Variants in TM4SF20 observed in about 807,000 individuals in gnomAD.
TM4SF20 encodes the protein transmembrane 4 L6 family member 20.
Under a neutral mutation model 15.1 loss-of-function variants are expected in TM4SF20, and 13 were observed. That is an observed-to-expected ratio of 0.86 (90% CI 0.56 to 1.36). The LOEUF is 1.36. Among genes scored for constraint, TM4SF20 ranks in the 40% most tolerant of loss-of-function variants. The pLI is 0.00. For missense variants in TM4SF20, 282 were observed against 268.4 expected (o/e 1.05, Z -0.35); for synonymous variants, 92 against 96.6 (o/e 0.95, Z 0.28).
intron 2 of TM4SF20, among the ~76,000 whole-genome samples, chr2:227,370,205 C>T (rs2076413721): frequency 6.6e-6 from 1 of 152,196 alleles, no homozygotes; most frequent in African/African-American, 2.4e-5. Flanking sequence ...TCCTAGCAAA[C>T]CAGTCTGTCA....
Position 227,370,931 on chromosome 2 carries a change from C to G in TM4SF20, c.233G>C (p.Cys78Ser). 1 of 1,613,968 alleles carries G rather than the reference C, an allele frequency of 6.2e-7. No individual in the cohort carries two copies. Among genetic ancestry groups the G allele is most frequent in the Non-Finnish European group, 8.5e-7 (1 of 1,179,920 alleles). Residue 78 changes from cysteine (C) to serine (S), a missense_variant, in exon 2 of 4, where the codon TGC (cysteine) becomes TCC (serine). Cys to Ser is a moderately radical substitution (Grantham distance 112). Coordinates refer to ENST00000304568, the MANE Select transcript of TM4SF20 (RefSeq NM_024795.4). ...MSLTARKRACCNNRTGMFLSS... is the reference protein window; with the variant it reads ...MSLTARKRACSNNRTGMFLSS... ...CATACTTACTCCAGTTCTGTTGTTGCAGCACGCTCTTTTTCTTGCTGTCAA... is the reference window on the plus strand; with the variant it reads ...CATACTTACTCCAGTTCTGTTGTTGGAGCACGCTCTTTTTCTTGCTGTCAA...
At chr2:227,379,722 T>C (rs541620981), upstream of TM4SF20, among the ~76,000 whole-genome samples, 4 of 152,326 alleles carry the variant, frequency 2.6e-5, no homozygotes, top group East Asian at 1.9e-4. Context: ...CTGCAAATAT[T>C]AGAGTTTATT....
rs748891185 is a variant in TM4SF20 at position 227,368,017 on chromosome 2, C to CTT, written c.250-1774_250-1773insAA. ...TGCCATGGTGTTTATTTTTAACCAT[C>CTT]TATTTTTTTTTTTTTTTTTTTTTGG... On this transcript the variant is annotated intron_variant, in intron 2 of 3. Transcript: ENST00000304568. Among the ~76,000 whole-genome samples, 106 of 116,662 alleles carry CTT rather than the reference C, an allele frequency of 9.1e-4. 4 individuals carry two copies. The highest frequency in any genetic ancestry group is 1.2e-3 in the Non-Finnish European group (67 of 56,164). The allele number at this position is 116,662 out of a possible 152,430, so 76.5% of individuals were successfully genotyped here.
chr2:227,375,690 C>G (rs781649814), intron 1 of TM4SF20, among the ~76,000 whole-genome samples: 1 of 152,080 alleles, frequency 6.6e-6, no homozygotes, highest in African/African-American at 2.4e-5. Context: ...GGCGTTTCAC[C>G]GTGTTAGCCA....
chr2:227,364,080 A>G (rs2076377907), intron 3 of TM4SF20, 68 bp from the exon 4 acceptor site: 1 of 1,439,172 alleles, frequency 6.9e-7, no homozygotes, highest in Non-Finnish European at 9.3e-7. Context: ...AGCATTGTGC[A>G]CATAAAAGAA....
chr2:227,377,819 G>A (rs11885199), intron 1 of TM4SF20, among the ~76,000 whole-genome samples: 7,926 of 152,132 alleles, frequency 0.052, 249 homozygotes, highest in East Asian at 0.12. Context: ...GGTGCCTGTT[G>A]GAGGGTGGAG....
rs78730958 is a variant in TM4SF20 at position 227,372,526 on chromosome 2, C to T, written c.184-1546G>A. On this transcript the variant is annotated intron_variant, in intron 1 of 3. Transcript: ENST00000304568. ...GGGCGAGGTGGTGCACACCTGTAGC[C>T]CCAGCTACTCAGGAAGCTGAGGCAG... is the stretch of plus-strand genomic sequence containing the variant. Among the ~76,000 whole-genome samples, 7 of 152,086 alleles carry T rather than the reference C, an allele frequency of 4.6e-5. No homozygotes were observed. In the East Asian group the frequency reaches 1.4e-3, roughly 29 times the overall value.
rs556582680 is a variant in TM4SF20 at position 227,378,025 on chromosome 2, C to T, written c.183+1061G>A. ...AAAAGTCACCTCCGTGTTTTATTAT[C>T]TCTAAAACACTGATAATATCAGTCC... On this transcript the variant is annotated intron_variant, in intron 1 of 3. Coordinates refer to ENST00000304568, the MANE Select transcript of TM4SF20 (RefSeq NM_024795.4). Among the ~76,000 whole-genome samples, 196 of 152,020 alleles carry T rather than the reference C, an allele frequency of 1.3e-3. 1 individual carries two copies. The highest frequency in any genetic ancestry group is 4.5e-3 in the African/African-American group (186 of 41,446).
intron 3 of TM4SF20, 124 bp downstream of exon 3, chr2:227,365,968 TA>T: frequency 2.1e-6 from 2 of 968,596 alleles, no homozygotes; most frequent in Non-Finnish European, 3.0e-6. Flanking sequence ...CTAAAATTCC[TA>T]AGAATCCGTT....
chr2:227,378,558 G>A (rs1416547045), intron 1 of TM4SF20, among the ~76,000 whole-genome samples: 1 of 152,168 alleles, frequency 6.6e-6, no homozygotes, highest in Non-Finnish European at 1.5e-5. Flanking sequence ...CTTGAGGCCA[G>A]AGACCCAGGA....
Position 227,368,018 on chromosome 2 carries a change from TA to T in TM4SF20, c.250-1775del, listed in dbSNP as rs376025746. ...GCCATGGTGTTTATTTTTAACCATC[TA>T]TTTTTTTTTTTTTTTTTTTTTGGAG... On this transcript the variant is annotated intron_variant, in intron 2 of 3. Transcript: ENST00000304568. Among the ~76,000 whole-genome samples, 76 of 125,116 alleles carry T rather than the reference TA, an allele frequency of 6.1e-4. 5 individuals are homozygous for T. The highest frequency in any genetic ancestry group is 7.9e-3 in the Middle Eastern group (2 of 252). The allele number at this position is 125,116 out of a possible 152,430, so 82.1% of individuals were successfully genotyped here.
chr2:227,372,507 G>T (rs2076425974), intron 1 of TM4SF20, among the ~76,000 whole-genome samples: 1 of 152,090 alleles, frequency 6.6e-6, no homozygotes. Flanking sequence ...AGCTGGGCGA[G>T]GTGGTGCACA....
At chr2:227,374,395 A>C (rs1162034836) in intron 1 of TM4SF20, among the ~76,000 whole-genome samples, 1 of 151,790 alleles carries the variant, frequency 6.6e-6, no homozygotes, top group African/African-American at 2.4e-5. Flanking sequence ...AGCTCCGGAA[A>C]TTGGAGGGGC....
At chr2:227,368,890 A>T (rs1336429656) in intron 2 of TM4SF20, among the ~76,000 whole-genome samples, 1 of 152,228 alleles carries the variant, frequency 6.6e-6, no homozygotes, top group Non-Finnish European at 1.5e-5. Context: ...TGCCTTTGCC[A>T]CTTGTCTCAT....
rs112261207 is a variant in TM4SF20 at position 227,366,340 on chromosome 2, G to A, written c.250-96C>T. The A allele has an allele frequency of 1.0e-4, 109 of 1,093,520 alleles. No individual in the cohort carries two copies. In the African/African-American group the frequency reaches 1.0e-3, roughly 10 times the overall value. 67.7% of individuals were successfully genotyped at this position (1,093,520 alleles called of 1,614,324 possible). ...TATACAGTCTTTTTTAAATCCAGTC[G>A]CCCTAAAATCCTGGATCTTAAGATC... On this transcript the variant is annotated intron_variant, in intron 2 of 3. Transcript: ENST00000304568.
At position 227,363,853 on chromosome 2, in the gene TM4SF20, G is replaced by T; in HGVS notation, c.561C>A (p.Ile187=). The T allele has an allele frequency of 6.2e-7, 1 of 1,614,102 alleles. No homozygotes were observed. Among genetic ancestry groups the T allele is most frequent in the Non-Finnish European group, 8.5e-7 (1 of 1,180,014 alleles). ...ATAGACCTAAAAATACTGAGAAGTG[G>T]ATAAGCCTATGTTTGTTTTCTTCAG... ...FDSEENKHRL[I]HFSVFLGLLL... The change falls in exon 4 of 4, where the codon ATC becomes ATA. Residue 187 remains isoleucine (I), a synonymous_variant. Coordinates refer to ENST00000304568, the MANE Select transcript of TM4SF20 (RefSeq NM_024795.4).
In TM4SF20 at chr2:227,363,023, T is replaced by C. The variant is rs979597705; in HGVS notation, c.*701A>G. On this transcript the variant is annotated 3_prime_UTR_variant, in exon 4 of 4. Transcript: ENST00000304568. ...GCCATTCTGTGCCCGCTGACCCACT[T>C]TTTGGATTTGTCCTAGTGTTCCCTG... 6.6e-6 allele frequency: 1 copy of C among 152,192 alleles called. No homozygotes were observed. The highest frequency in any genetic ancestry group is 2.4e-5 in the African/African-American group (1 of 41,452). The allele number at this position is 152,192 out of a possible 1,614,324, so 9.4% of individuals were successfully genotyped here.
chr2:227,363,465 T>G lies in TM4SF20; in HGVS notation c.*259A>C. ...ACTTTTATTTTCAGGATGACTTCCG[T>G]TCCTTCTCATCCTCCTTCCCTTCTC... On this transcript the variant is annotated 3_prime_UTR_variant, in exon 4 of 4. Transcript: ENST00000304568. The G allele has an allele frequency of 6.3e-6, 2 of 316,634 alleles. No homozygotes were observed. Among genetic ancestry groups the G allele is most frequent in the Non-Finnish European group, 5.8e-6 (1 of 173,328 alleles). The allele number at this position is 316,634 out of a possible 1,614,324, so 19.6% of individuals were successfully genotyped here. A position where few individuals can be genotyped will look rare whatever the true frequency, so the allele number is the denominator to read the frequency against.
chr2:227,376,856 C>T (rs1466147651), intron 1 of TM4SF20, among the ~76,000 whole-genome samples: 2 of 152,192 alleles, frequency 1.3e-5, no homozygotes, highest in African/African-American at 4.8e-5. Flanking sequence ...GTTAACATTC[C>T]TAACTTTCTA....
Sources: allele counts gnomAD v4.1 joint callset (sites outside exome capture counted in the v4.1 genomes callset), GRCh38; gene constraint gnomAD v4.1.1; transcripts MANE v1.5; gene names NCBI Gene and HGNC (gene_info 2026-07-23, HGNC 2026-07-21).